XPR1: variants seen among roughly 807,000 people sequenced by gnomAD.
XPR1 encodes the protein xenotropic and polytropic retrovirus receptor 1.
XPR1 carries 28 observed loss-of-function variants against 87.5 expected under a neutral mutation model. That is an observed-to-expected ratio of 0.32 (90% CI 0.24 to 0.44). The LOEUF (loss-of-function observed/expected upper bound fraction) is 0.44, where lower values mean the gene tolerates loss of function less well. Ranked by LOEUF, XPR1 falls within the 20% of genes least tolerant of loss-of-function variation. The pLI is 1.00. For synonymous variants in XPR1, 300 were observed against 306.1 expected (o/e 0.98, Z 0.21); for missense variants, 559 against 862.3 (o/e 0.65, Z 4.41).
At chr1:180,786,934 G>A (rs762699397) in intron 2 of XPR1, among the ~76,000 whole-genome samples, 3 of 152,178 alleles carry the variant, frequency 2.0e-5, no homozygotes, top group Non-Finnish European at 4.4e-5. Flanking sequence ...CTTCAGTGCA[G>A]ACTTCTTTCT....
chr1:180,833,051 A>G (rs1651130522), intron 9 of XPR1, among the ~76,000 whole-genome samples: 1 of 152,266 alleles, frequency 6.6e-6, no homozygotes. Context: ...AGTGGTTCGT[A>G]GTTCTCTTTG....
At position 180,824,782 on chromosome 1, in the gene XPR1, A is replaced by G; in HGVS notation, c.793A>G (p.Ile265Val). 2 of 1,613,930 alleles carry G rather than the reference A, an allele frequency of 1.2e-6. No homozygotes were observed. Among genetic ancestry groups the G allele is most frequent in the Non-Finnish European group, 1.7e-6 (2 of 1,179,914 alleles). The change falls in exon 8 of 15, where the codon ATA becomes GTA. Residue 265 changes from isoleucine to valine, a missense_variant. Transcript: ENST00000367590. ...AVFKLETDRS[I>V]WPLIRIYRGG... ...ATTTAAACTTGAAACAGATAGAAGT[A>G]TATGGCCCTTGATAAGAATCTATCG...
chr1:180,838,549 G>A (rs1651387450), intron 11 of XPR1, among the ~76,000 whole-genome samples: 1 of 152,062 alleles, frequency 6.6e-6, no homozygotes, highest in African/African-American at 2.4e-5. Context: ...ATAGTATTGT[G>A]GGCTTAAGAC....
At chr1:180,655,819 T>C (rs1571684980) in intron 1 of XPR1, among the ~76,000 whole-genome samples, 3 of 152,232 alleles carry the variant, frequency 2.0e-5, no homozygotes, top group African/African-American at 7.2e-5. Context: ...CTTTTTTTAA[T>C]TTTTAATTTT....
intron 7 of XPR1, among the ~76,000 whole-genome samples, chr1:180,824,477 A>T (rs894406005): frequency 6.6e-6 from 1 of 152,142 alleles, no homozygotes; most frequent in Non-Finnish European, 1.5e-5. Context: ...GTTACTCGGG[A>T]GACTGAGGCA....
In XPR1 at chr1:180,887,599, T is replaced by C. The variant is rs554378110; in HGVS notation, c.*3533T>C. On this transcript the variant is annotated 3_prime_UTR_variant, in exon 15 of 15. Coordinates refer to ENST00000367590, the MANE Select transcript of XPR1 (RefSeq NM_004736.4). ...AGTAGTCAAAAACCCATGTGCAACTTTTTTTCAGCACTCTACCATTAGGCT... is the reference window on the plus strand; with the variant it reads ...AGTAGTCAAAAACCCATGTGCAACTCTTTTTCAGCACTCTACCATTAGGCT... 1 of 152,334 alleles carries C rather than the reference T, an allele frequency of 6.6e-6. No individual in the cohort carries two copies. 9.4% of individuals were successfully genotyped at this position (152,334 alleles called of 1,614,324 possible).
intron 2 of XPR1, among the ~76,000 whole-genome samples, chr1:180,693,324 C>A (rs1657053245): frequency 6.6e-6 from 1 of 152,112 alleles, no homozygotes. Flanking sequence ...TAGAAAGAAG[C>A]ATATGAAGTT....
At chr1:180,661,109 CTATT>C (rs1477179870) in intron 1 of XPR1, among the ~76,000 whole-genome samples, 9 of 152,000 alleles carry the variant, frequency 5.9e-5, no homozygotes, top group Non-Finnish European at 1.3e-4. Context: ...CCATTTTTAT[CTATT>C]CTTATATTTT....
chr1:180,707,542 A>G (rs1332497748), intron 2 of XPR1, among the ~76,000 whole-genome samples: 1 of 152,248 alleles, frequency 6.6e-6, no homozygotes, highest in African/African-American at 2.4e-5. Context: ...AAGTACCTAC[A>G]TAACACTATC....
chr1:180,802,815 T>G (rs1649840667), intron 3 of XPR1, among the ~76,000 whole-genome samples: 1 of 152,236 alleles, frequency 6.6e-6, no homozygotes. Flanking sequence ...TCACTTAATG[T>G]CTTCAAGGTT....
At position 180,836,560 on chromosome 1, in the gene XPR1, G is replaced by C; in HGVS notation, c.1345G>C (p.Ala449Pro). The change falls in exon 11 of 15, where the codon GCC (alanine) becomes CCC (proline). Residue 449 changes from alanine (A) to proline (P), a missense_variant. This residue lies in a region of XPR1 where 264 missense variants were observed against 377.2 expected (regional missense o/e 0.70). Transcript: ENST00000367590. ...CCACAAATATACATATGGTGTGCGG[G>C]CCATTGTTCAGTGCATTCCTGCTTG... ...ICHKYTYGVR[A>P]IVQCIPAWLR... 1 of 1,614,070 alleles carries C rather than the reference G, an allele frequency of 6.2e-7. No individual in the cohort carries two copies. Among genetic ancestry groups the C allele is most frequent in the Non-Finnish European group, 8.5e-7 (1 of 1,180,032 alleles).
At chr1:180,781,661 T>G (rs1353949244) in intron 2 of XPR1, among the ~76,000 whole-genome samples, 1 of 151,812 alleles carries the variant, frequency 6.6e-6, no homozygotes, top group African/African-American at 2.4e-5. Context: ...CTTGTTTGCT[T>G]TTTTTTAAAA....
intron 9 of XPR1, among the ~76,000 whole-genome samples, chr1:180,829,614 G>A (rs193179646): frequency 3.3e-5 from 5 of 152,208 alleles, no homozygotes; most frequent in African/African-American, 1.2e-4. Flanking sequence ...ATACCTTTAT[G>A]TATTTATTTG....
intron 3 of XPR1, among the ~76,000 whole-genome samples, chr1:180,788,617 A>G (rs1338982837): frequency 6.6e-6 from 1 of 152,200 alleles, no homozygotes; most frequent in Non-Finnish European, 1.5e-5. Flanking sequence ...TGGAATACCT[A>G]TCCTATTGAA....
intron 2 of XPR1, among the ~76,000 whole-genome samples, chr1:180,731,224 G>C (rs10914084): frequency 0.35 from 52,776 of 152,002 alleles, 9,578 homozygotes; most frequent in Non-Finnish European, 0.39. Flanking sequence ...AAAATAAAAA[G>C]AAGTGTTACC....
intron 1 of XPR1, among the ~76,000 whole-genome samples, chr1:180,681,503 G>A (rs777421529): frequency 2.6e-5 from 4 of 152,112 alleles, no homozygotes; most frequent in Non-Finnish European, 5.9e-5. Flanking sequence ...AAAATTAGCC[G>A]AGCGTGGTGG....
intron 1 of XPR1, among the ~76,000 whole-genome samples, chr1:180,670,864 C>T (rs1034943083): frequency 4.6e-5 from 7 of 152,128 alleles, no homozygotes; most frequent in African/African-American, 1.4e-4. Context: ...GACGTTTTTG[C>T]TGAACATAGG....
At chr1:180,715,292 C>T (rs530676551) in intron 2 of XPR1, among the ~76,000 whole-genome samples, 1 of 152,298 alleles carries the variant, frequency 6.6e-6, no homozygotes, top group African/African-American at 2.4e-5. Context: ...TTATGAGCGT[C>T]ACTCTGCTGG....
chr1:180,735,751 C>T (rs537133840), intron 2 of XPR1, among the ~76,000 whole-genome samples: 22 of 152,232 alleles, frequency 1.4e-4, no homozygotes, highest in South Asian at 2.1e-4. Flanking sequence ...TAATTTCCAC[C>T]GTATCCTAAT....
Sources: gnomAD v4.1 joint callset for allele counts (sites outside exome capture counted in the v4.1 genomes callset) on GRCh38, gnomAD v4.1.1 for gene constraint, gnomAD v4.1.1 regional missense constraint, MANE v1.5 for transcripts, NCBI Gene and HGNC (gene_info 2026-07-23, HGNC 2026-07-21) for gene names.